Variants in NRG1 observed in about 807,000 individuals in gnomAD.
The protein encoded by NRG1 is pro-neuregulin-1, membrane-bound isoform.
A neutral mutation model predicts 63.8 loss-of-function variants in NRG1; 18 were observed. The observed-to-expected ratio is 0.28, with a 90% confidence interval of 0.19 to 0.42. The LOEUF (loss-of-function observed/expected upper bound fraction) is 0.42. Ranked by LOEUF, NRG1 falls within the 10% of genes least tolerant of loss-of-function variation. The pLI, the probability that NRG1 is intolerant of heterozygous loss-of-function variation, is 1.00. For synonymous variants in NRG1, 302 were observed against 301.3 expected (o/e 1.00, Z -0.02); for missense variants, 762 against 814.7 (o/e 0.94, Z 0.79).
chr8:32,737,701 G>A (rs995781481), intron 6 of NRG1, among the ~76,000 whole-genome samples: 3 of 141,562 alleles, frequency 2.1e-5, no homozygotes, highest in Non-Finnish European at 3.0e-5. Flanking sequence ...TTTTGAGATG[G>A]AGTCTCGTTC....
At chr8:32,287,724 A>T (rs1336394116) in intron 1 of NRG1, among the ~76,000 whole-genome samples, 1 of 152,294 alleles carries the variant, frequency 6.6e-6, no homozygotes, top group Admixed American at 6.5e-5. Context: ...CAGAAAAGAA[A>T]TTTTTTGTCT....
At chr8:32,747,363 C>T (rs898902377) in intron 7 of NRG1, among the ~76,000 whole-genome samples, 7 of 151,848 alleles carry the variant, frequency 4.6e-5, no homozygotes, top group African/African-American at 9.7e-5. Context: ...CTGGGTCCCA[C>T]CTTCATGGAA....
At chr8:31,747,993 ACTAT>A (rs1169072800) in intron 1 of NRG1, among the ~76,000 whole-genome samples, 3 of 151,996 alleles carry the variant, frequency 2.0e-5, no homozygotes, top group East Asian at 3.9e-4. Context: ...TGACTTCAAT[ACTAT>A]CTATCAGCAA....
chr8:32,590,478 A>G (rs1267849945), intron 1 of NRG1, among the ~76,000 whole-genome samples: 1 of 152,212 alleles, frequency 6.6e-6, no homozygotes, highest in Non-Finnish European at 1.5e-5. Flanking sequence ...CTTGCCTTCA[A>G]CTAATTTTTA....
intron 1 of NRG1, among the ~76,000 whole-genome samples, chr8:32,482,673 A>G (rs556100540): frequency 6.6e-6 from 1 of 152,234 alleles, no homozygotes; most frequent in South Asian, 2.1e-4. Context: ...ATACAGGAGG[A>G]ACAGGGGACG....
At chr8:31,892,876 A>T (rs1286690629) in intron 1 of NRG1, among the ~76,000 whole-genome samples, 1 of 152,086 alleles carries the variant, frequency 6.6e-6, no homozygotes, top group African/African-American at 2.4e-5. Context: ...TGGTTATGGC[A>T]TCCATTTTGG....
intron 1 of NRG1, among the ~76,000 whole-genome samples, chr8:32,521,469 C>T (rs573588306): frequency 2.6e-5 from 4 of 152,020 alleles, no homozygotes; most frequent in South Asian, 2.1e-4. Flanking sequence ...CTGGTTTAAC[C>T]GAGTTGAATA....
intron 1 of NRG1, among the ~76,000 whole-genome samples, chr8:32,114,931 G>T (rs1049302982): frequency 2.6e-5 from 4 of 152,116 alleles, no homozygotes; most frequent in African/African-American, 9.7e-5. Context: ...CAGAGAAAAA[G>T]AACAGAAACT....
At chr8:32,627,197 C>T (rs1268879754) in intron 5 of NRG1, among the ~76,000 whole-genome samples, 4 of 151,970 alleles carry the variant, frequency 2.6e-5, no homozygotes, top group South Asian at 2.1e-4. Flanking sequence ...AAGATGATGA[C>T]ATTCTATAAT....
At chr8:31,657,693 A>G (rs934642009) in intron 1 of NRG1, among the ~76,000 whole-genome samples, 1 of 152,238 alleles carries the variant, frequency 6.6e-6, no homozygotes, top group Non-Finnish European at 1.5e-5. Context: ...CTGAGTTTCT[A>G]TTATGGCTGA....
exon 1 of NRG1, chr8:31,639,337 G>T (rs987320814): frequency 6.5e-7 from 1 of 1,531,308 alleles, no homozygotes; most frequent in Middle Eastern, 2.0e-4. Flanking sequence ...GGAGGCGCGC[G>T]GGGACGGGGA....
chr8:31,938,686 C>A (rs1801306764), intron 1 of NRG1, among the ~76,000 whole-genome samples: 2 of 152,116 alleles, frequency 1.3e-5, no homozygotes, highest in Non-Finnish European at 2.9e-5. Context: ...AAGGAAAAAT[C>A]TTCAGTGAAA....
exon 12 of NRG1, chr8:32,764,036 A>G: frequency 6.2e-7 from 1 of 1,614,034 alleles, no homozygotes; most frequent in Non-Finnish European, 8.5e-7. Context: ...CCTTGAGGAT[A>G]GTGGAGGATG....
intron 5 of NRG1, among the ~76,000 whole-genome samples, chr8:32,701,444 C>T (rs1226847999): frequency 2.0e-5 from 3 of 152,086 alleles, no homozygotes; most frequent in African/African-American, 7.2e-5. Context: ...ATTGCTCTCC[C>T]AGAAGAATAA....
intron 1 of NRG1, among the ~76,000 whole-genome samples, chr8:32,236,926 G>T (rs950251071): frequency 6.6e-6 from 1 of 152,168 alleles, no homozygotes; most frequent in Admixed American, 6.5e-5. Context: ...ACTCCAAGAT[G>T]AGTGTGATGC....
intron 1 of NRG1, among the ~76,000 whole-genome samples, chr8:32,411,945 A>G (rs11991733): frequency 0.011 from 1,683 of 152,274 alleles, 34 homozygotes; most frequent in African/African-American, 0.038. Flanking sequence ...TTATGTATGA[A>G]CTTGACCAAG....
At chr8:32,387,346 C>G (rs556940902) in intron 1 of NRG1, among the ~76,000 whole-genome samples, 1 of 152,178 alleles carries the variant, frequency 6.6e-6, no homozygotes, top group South Asian at 2.1e-4. Context: ...GACTTGAAAG[C>G]CTTTGCATTC....
In NRG1 at chr8:31,934,528, C is replaced by T. The variant is rs528188911; in HGVS notation, c.37+295097C>T. ...GCAACCTCTACCTCCCGGGTTCAAG[C>T]GATTCCCCTGCCTCAGCCTCCCAAG... On this transcript the variant is annotated intron_variant, in intron 1 of 10. Coordinates refer to the NRG1 transcript ENST00000519301. Among the ~76,000 whole-genome samples, 8 of 147,762 alleles carry T rather than the reference C, an allele frequency of 5.4e-5. No homozygotes were observed. In the South Asian group the frequency reaches 1.3e-3, roughly 24 times the overall value.
chr8:31,643,984 T>C (rs1290544931), intron 1 of NRG1, among the ~76,000 whole-genome samples: 3 of 152,202 alleles, frequency 2.0e-5, no homozygotes, highest in Non-Finnish European at 2.9e-5. Context: ...TATGCATGTA[T>C]TGATAATGTA....
Sources: gnomAD v4.1 joint callset for allele counts (sites outside exome capture counted in the v4.1 genomes callset) on GRCh38, gnomAD v4.1.1 for gene constraint, MANE v1.5 for transcripts, NCBI Gene and HGNC (gene_info 2026-07-23, HGNC 2026-07-21) for gene names.